MRPS31: variants seen among roughly 807,000 people sequenced by gnomAD.
The protein encoded by MRPS31 is small ribosomal subunit protein mS31.
In MRPS31, 32 loss-of-function variants were observed where a neutral mutation model predicts 43.1. The ratio of observed to expected loss-of-function variants is 0.74; its 90% CI spans 0.56 to 1.00. The LOEUF (loss-of-function observed/expected upper bound fraction) is 1.00. MRPS31 is among the 50% of genes least tolerant of loss of function. The pLI, the probability that MRPS31 is intolerant of heterozygous loss-of-function variation, is 0.00. For synonymous variants in MRPS31, 165 were observed against 161.6 expected (o/e 1.02, Z -0.16); for missense variants, 437 against 466.7 (o/e 0.94, Z 0.59).
At chr13:40,732,469 C>T (rs1222781380) in intron 6 of MRPS31, among the ~76,000 whole-genome samples, 1 of 152,180 alleles carries the variant, frequency 6.6e-6, no homozygotes, top group Admixed American at 6.5e-5. Context: ...GATGGTGGCT[C>T]ATGTCTATAA....
At chr13:40,758,888 T>A in intron 3 of MRPS31, 60 bp downstream of exon 3, 1 of 1,431,242 alleles carries the variant, frequency 7.0e-7, no homozygotes, top group Non-Finnish European at 9.2e-7. Flanking sequence ...TCACTAGCCA[T>A]ATGAAAATGG....
At position 40,766,949 on chromosome 13, in the gene MRPS31, C is replaced by T. The variant is rs1454672515; in HGVS notation, c.237G>A (p.Glu79=). 1.2e-6 allele frequency: 2 copies of T among 1,613,956 alleles called. No individual in the cohort carries two copies. The highest frequency in any genetic ancestry group is 1.1e-5 in the South Asian group (1 of 91,082). The change falls in exon 2 of 7, where the codon GAG becomes GAA. Residue 79 remains glutamate, a synonymous_variant. Transcript: ENST00000323563. ...KKDKQSVRTE[E]TSKETSESQD... The stretch of plus-strand genomic sequence containing the variant: ...GGCTCTCTGAAGTCTCCTTGGAAGT[C>T]TCCTCAGTTCGAACAGACTGCTTAT...
intron 1 of MRPS31, 188 bp downstream of exon 1, chr13:40,770,797 C>A (rs1566113802): frequency 4.5e-6 from 3 of 660,646 alleles, no homozygotes; most frequent in Non-Finnish European, 7.6e-6. Context: ...TAGAGCACAG[C>A]GACCAGGTTT....
intron 4 of MRPS31, 144 bp downstream of exon 4, chr13:40,756,729 G>A (rs1182813026): frequency 2.1e-6 from 2 of 945,974 alleles, no homozygotes; most frequent in South Asian, 1.6e-5. Context: ...GTGGTATACA[G>A]AGAGTAAGAA....
At chr13:40,757,429 T>C (rs1421579391) in intron 3 of MRPS31, among the ~76,000 whole-genome samples, 1 of 149,832 alleles carries the variant, frequency 6.7e-6, no homozygotes, top group Non-Finnish European at 1.5e-5. Context: ...AGTCCAGATA[T>C]CTATGTCTTC....
At chr13:40,754,579 A>G (rs1880477153) in intron 4 of MRPS31, among the ~76,000 whole-genome samples, 1 of 152,240 alleles carries the variant, frequency 6.6e-6, no homozygotes, top group Non-Finnish European at 1.5e-5. Context: ...ATAATTATTA[A>G]CTTTCTTTAC....
chr13:40,744,085 GAATT>G (rs990829059), intron 6 of MRPS31, among the ~76,000 whole-genome samples: 1 of 152,136 alleles, frequency 6.6e-6, no homozygotes, highest in African/African-American at 2.4e-5. Context: ...TATCCTAAGT[GAATT>G]AATGCAGAAA....
intron 6 of MRPS31, chr13:40,730,905 TA>T (rs1879672731): frequency 6.6e-6 from 1 of 151,946 alleles, no homozygotes; most frequent in African/African-American, 2.4e-5. Context: ...AAGAACACTA[TA>T]AAAATTATAT....
intron 5 of MRPS31, among the ~76,000 whole-genome samples, chr13:40,751,504 T>C (rs1485237795): frequency 6.6e-6 from 1 of 152,176 alleles, no homozygotes; most frequent in Non-Finnish European, 1.5e-5. Context: ...TCTGTTAAGC[T>C]ATACTGCCTG....
At chr13:40,735,099 G>A (rs1361417467) in intron 6 of MRPS31, among the ~76,000 whole-genome samples, 1 of 152,170 alleles carries the variant, frequency 6.6e-6, no homozygotes, top group Non-Finnish European at 1.5e-5. Flanking sequence ...GCCGAAAGAG[G>A]GTGAGGCATT....
chr13:40,768,439 A>AT (rs35658794), intron 1 of MRPS31, among the ~76,000 whole-genome samples: 25,036 of 148,474 alleles, frequency 0.17, 2,171 homozygotes, highest in South Asian at 0.3. Context: ...ATGCATAAAA[A>AT]TTTTTTTTTT....
intron 6 of MRPS31, among the ~76,000 whole-genome samples, chr13:40,729,950 G>A (rs949685654): frequency 4.0e-5 from 6 of 151,644 alleles, no homozygotes; most frequent in South Asian, 4.2e-4. Flanking sequence ...GGCTGGTCTC[G>A]AACTCCTGAC....
chr13:40,759,551 CA>C (rs1281607360), intron 2 of MRPS31, among the ~76,000 whole-genome samples: 1 of 152,090 alleles, frequency 6.6e-6, no homozygotes, highest in Admixed American at 6.5e-5. Flanking sequence ...CTTTGGTGTT[CA>C]AAAAAGTATT....
chr13:40,745,204 G>A (rs778605246), intron 6 of MRPS31, among the ~76,000 whole-genome samples: 6 of 152,142 alleles, frequency 3.9e-5, no homozygotes, highest in East Asian at 1.9e-4. Flanking sequence ...TTATAGGCAT[G>A]AGCCACTGCG....
At chr13:40,767,677 G>A (rs1880889610) in intron 1 of MRPS31, among the ~76,000 whole-genome samples, 1 of 152,170 alleles carries the variant, frequency 6.6e-6, no homozygotes, top group South Asian at 2.1e-4. Context: ...GTGCTCCCAA[G>A]TCTGTTCCCT....
chr13:40,770,745 T>C (rs762339547), intron 1 of MRPS31: 7 of 492,374 alleles, frequency 1.4e-5, no homozygotes, highest in Non-Finnish European at 2.2e-5. Context: ...CTGGGTAAAC[T>C]GACAGGAGAT....
At chr13:40,735,061 G>A (rs1036149668) in intron 6 of MRPS31, among the ~76,000 whole-genome samples, 4 of 152,236 alleles carry the variant, frequency 2.6e-5, no homozygotes, top group Admixed American at 1.3e-4. Flanking sequence ...AGTGGGCGCA[G>A]GTCAGTGGGT....
At chr13:40,770,817 G>T in intron 1 of MRPS31, 168 bp downstream of exon 1, 1 of 803,636 alleles carries the variant, frequency 1.2e-6, no homozygotes, top group Non-Finnish European at 2.0e-6. Flanking sequence ...TGTAATCGTA[G>T]CTCTGTTTTC....
At chr13:40,751,245 T>C (rs1316742461) in intron 5 of MRPS31, among the ~76,000 whole-genome samples, 1 of 152,204 alleles carries the variant, frequency 6.6e-6, no homozygotes, top group East Asian at 1.9e-4. Context: ...TATCTTTTAC[T>C]TGGTGGTCAC....
Sources: gnomAD v4.1 joint callset for allele counts (sites outside exome capture counted in the v4.1 genomes callset) on GRCh38, gnomAD v4.1.1 for gene constraint, MANE v1.5 for transcripts, NCBI Gene and HGNC (gene_info 2026-07-23, HGNC 2026-07-21) for gene names.